Variants in MALRD1 observed in about 807,000 individuals in gnomAD.
MALRD1 encodes MAM and LDL-receptor class A domain-containing protein 1.
A neutral mutation model predicts 242.1 loss-of-function variants in MALRD1; 247 were observed. The ratio of observed to expected loss-of-function variants is 1.02; its 90% CI spans 0.92 to 1.13. The LOEUF is 1.13. Ranked by LOEUF, MALRD1 falls within the 50% of genes most tolerant of loss-of-function variation. The pLI, the probability that MALRD1 is intolerant of heterozygous loss-of-function variation, is 0.00. For synonymous variants in MALRD1, 995 were observed against 866.6 expected (o/e 1.15, Z -2.60); for missense variants, 2,989 against 2,533.1 (o/e 1.18, Z -3.86).
chr10:19,676,646 A>C (rs543750061), intron 36 of MALRD1, among the ~76,000 whole-genome samples: 3 of 152,282 alleles, frequency 2.0e-5, no homozygotes, highest in Admixed American at 2.0e-4. Flanking sequence ...TCTAAACTGG[A>C]ACATACAAAT....
At chr10:19,167,826 T>C (rs2131512520) in intron 13 of MALRD1, among the ~76,000 whole-genome samples, 1 of 152,256 alleles carries the variant, frequency 6.6e-6, no homozygotes, top group Admixed American at 6.5e-5. Context: ...GAGGGGTAAG[T>C]AACAGCAATG....
At chr10:19,626,532 A>G (rs1263687779) in intron 36 of MALRD1, among the ~76,000 whole-genome samples, 3 of 152,044 alleles carry the variant, frequency 2.0e-5, no homozygotes, top group Non-Finnish European at 2.9e-5. Context: ...GATAAATATA[A>G]AAGACTAGAT....
chr10:19,269,299 G>A (rs774198225), intron 19 of MALRD1, among the ~76,000 whole-genome samples: 70 of 152,276 alleles, frequency 4.6e-4, no homozygotes, highest in Non-Finnish European at 7.3e-4. Context: ...TCTTATAATG[G>A]GATTAGTGCT....
chr10:19,470,259 C>T (rs1327117918), intron 29 of MALRD1, among the ~76,000 whole-genome samples: 1 of 151,930 alleles, frequency 6.6e-6, no homozygotes, highest in African/African-American at 2.4e-5. Context: ...CCCATGTTGT[C>T]CCAAATGTCA....
chr10:19,471,040 C>T (rs1252783388), intron 29 of MALRD1, among the ~76,000 whole-genome samples: 1 of 151,726 alleles, frequency 6.6e-6, no homozygotes, highest in Non-Finnish European at 1.5e-5. Flanking sequence ...AAATTTTCCC[C>T]TATCTTTTTT....
intron 30 of MALRD1, chr10:19,493,284 G>A (rs138011639): frequency 6.6e-6 from 1 of 152,012 alleles, no homozygotes; most frequent in East Asian, 1.9e-4. Flanking sequence ...TTCTGTGACT[G>A]GCTTGTGTCA....
intron 12 of MALRD1, among the ~76,000 whole-genome samples, chr10:19,155,727 G>A (rs1279456146): frequency 6.6e-6 from 1 of 152,034 alleles, no homozygotes; most frequent in Admixed American, 6.6e-5. Context: ...GAGACGCAGT[G>A]TCTACACCAG....
In MALRD1 at chr10:19,334,131, T is replaced by G. The variant is rs540584028; in HGVS notation, c.3901+2549T>G. On this transcript the variant is annotated intron_variant, in intron 24 of 39. Transcript: ENST00000454679. ...ACTCTGTTGGTAGGTTTTTTTTTTT[T>G]TTTTTTTTTTTCTGTGCAGAGCTCT... Among the ~76,000 whole-genome samples, 663 of 147,730 alleles carry G rather than the reference T, an allele frequency of 4.5e-3. 9 individuals are homozygous for G. Among genetic ancestry groups the G allele is most frequent in the African/African-American group, 0.016 (639 of 40,192 alleles).
intron 21 of MALRD1, among the ~76,000 whole-genome samples, chr10:19,300,035 A>G (rs941024803): frequency 3.9e-5 from 6 of 152,076 alleles, no homozygotes; most frequent in Non-Finnish European, 8.8e-5. Flanking sequence ...AGGATACAAA[A>G]TCAATGTACA....
chr10:19,185,042 T>A (rs1257063335), intron 14 of MALRD1, among the ~76,000 whole-genome samples: 1 of 152,242 alleles, frequency 6.6e-6, no homozygotes, highest in African/African-American at 2.4e-5. Flanking sequence ...ACAAATACTT[T>A]GTTTCCTCAA....
rs1431918600 is a variant in MALRD1 at position 19,615,902 on chromosome 10, A to G, written c.6116A>G (p.Glu2039Gly). Residue 2039 changes from glutamate (E) to glycine (G), a missense_variant, in exon 36 of 40, where the codon GAG (glutamate) becomes GGG (glycine). Glu to Gly is a moderately conservative substitution (Grantham distance 98). Coordinates refer to ENST00000454679, the MANE Select transcript of MALRD1 (RefSeq NM_001142308.3). ...YCRNGGTCVV[E>G]KNGPMCRCRQ... Reference sequence around the variant, plus strand: ...AGAAATGGTGGGACTTGTGTAGTGGAGAAAAATGGTCCTATGTGTCGGTAA... The same window carrying G: ...AGAAATGGTGGGACTTGTGTAGTGGGGAAAAATGGTCCTATGTGTCGGTAA... 6.5e-7 allele frequency: 1 copy of G among 1,532,136 alleles called. No individual in the cohort carries two copies. The highest frequency in any genetic ancestry group is 2.0e-5 in the Admixed American group (1 of 50,720). The allele number at this position is 1,532,136 out of a possible 1,614,324, so 94.9% of individuals were successfully genotyped here. A position where few individuals can be genotyped will look rare whatever the true frequency, so the allele number is the denominator to read the frequency against.
chr10:19,216,523 A>T (rs577162525), intron 18 of MALRD1, among the ~76,000 whole-genome samples: 1 of 151,840 alleles, frequency 6.6e-6, no homozygotes, highest in Non-Finnish European at 1.5e-5. Context: ...CCTATTTTCA[A>T]GACTTAATAT....
chr10:19,446,980 T>C (rs1349145118), intron 28 of MALRD1, among the ~76,000 whole-genome samples: 1 of 151,874 alleles, frequency 6.6e-6, no homozygotes, highest in Non-Finnish European at 1.5e-5. Flanking sequence ...TAACGACATA[T>C]GTGGAATAAA....
chr10:19,693,465 C>T (rs1054708906), intron 38 of MALRD1, among the ~76,000 whole-genome samples: 2 of 152,218 alleles, frequency 1.3e-5, no homozygotes, highest in Middle Eastern at 3.4e-3. Flanking sequence ...TGAGTGAACT[C>T]CCATTCACAA....
intron 38 of MALRD1, among the ~76,000 whole-genome samples, chr10:19,697,871 C>G (rs1833449373): frequency 6.6e-6 from 1 of 152,168 alleles, no homozygotes; most frequent in Non-Finnish European, 1.5e-5. Flanking sequence ...AATTTTTCTT[C>G]TGTCTCCCTG....
chr10:19,696,682 A>G (rs1589414128), intron 38 of MALRD1, among the ~76,000 whole-genome samples: 1 of 152,146 alleles, frequency 6.6e-6, no homozygotes, highest in East Asian at 1.9e-4. Context: ...CAAGATGGGC[A>G]GATCACTTGA....
chr10:19,545,305 G>C (rs926305823), intron 32 of MALRD1, among the ~76,000 whole-genome samples: 1 of 152,036 alleles, frequency 6.6e-6, no homozygotes, highest in Non-Finnish European at 1.5e-5. Flanking sequence ...TGTGGTTTAG[G>C]GCTGCAACAT....
At chr10:19,164,549 C>A (rs1834587958) in intron 12 of MALRD1, among the ~76,000 whole-genome samples, 1 of 152,098 alleles carries the variant, frequency 6.6e-6, no homozygotes, top group African/African-American at 2.4e-5. Flanking sequence ...AGCCTTAGGA[C>A]CTGTTATATG....
chr10:19,269,345 GCT>G (rs1338784936), intron 19 of MALRD1, among the ~76,000 whole-genome samples: 1 of 152,192 alleles, frequency 6.6e-6, no homozygotes, highest in African/African-American at 2.4e-5. Flanking sequence ...GCTCTCACGC[GCT>G]CTCTCGCTCT....
Sources: allele counts gnomAD v4.1 joint callset (sites outside exome capture counted in the v4.1 genomes callset), GRCh38; gene constraint gnomAD v4.1.1; transcripts MANE v1.5; gene names NCBI Gene and HGNC (gene_info 2026-07-23, HGNC 2026-07-21).